Variants in ADGRF3 observed in about 807,000 individuals in gnomAD.
The protein encoded by ADGRF3 is adhesion G protein-coupled receptor F3.
Under a neutral mutation model 93.2 loss-of-function variants are expected in ADGRF3, and 85 were observed. The observed-to-expected ratio is 0.91, with a 90% CI of 0.77 to 1.09. The LOEUF (loss-of-function observed/expected upper bound fraction) is 1.09, where lower values mean the gene tolerates loss of function less well. Among genes scored for constraint, ADGRF3 ranks in the 50% least tolerant of loss-of-function variants. The pLI, the probability that ADGRF3 is intolerant of heterozygous loss-of-function variation, is 0.00. For missense variants in ADGRF3, 1,125 were observed against 1,246.2 expected, an observed-to-expected ratio of 0.90 and a Z score of 1.46; for synonymous variants, 534 against 532.5, an observed-to-expected ratio of 1.00 and a Z score of -0.04.
intron 1 of ADGRF3, among the ~76,000 whole-genome samples, chr2:26,321,585 A>T (rs1443798505): frequency 6.6e-6 from 1 of 152,276 alleles, no homozygotes; most frequent in South Asian, 2.1e-4. Context: ...GGCAGCCCCC[A>T]GTTAGGAGAG....
chr2:26,331,915 CTA>C (rs1458626504), intron 1 of ADGRF3, among the ~76,000 whole-genome samples: 1 of 151,876 alleles, frequency 6.6e-6, no homozygotes, highest in Non-Finnish European at 1.5e-5. Flanking sequence ...AATCTGTTGT[CTA>C]TGTGTTTTCT....
chr2:26,313,202 T>C, intron 8 of ADGRF3, 80 bp from the exon 9 acceptor site: 1 of 1,548,088 alleles, frequency 6.5e-7, no homozygotes, highest in African/African-American at 1.4e-5. Context: ...CCATGGAGAT[T>C]GTTGACCCCC....
chr2:26,313,372 T>C lies in ADGRF3; in HGVS notation c.1269+5A>G, dbSNP rs761667027. 4.4e-6 allele frequency: 7 copies of C among 1,576,616 alleles called. No homozygotes were observed. Among genetic ancestry groups the C allele is most frequent in the South Asian group, 1.2e-5 (1 of 85,032 alleles). The stretch of plus-strand genomic sequence containing the variant: ...GGCACGTGGGCAGCAGGGTGGAAGC[T>C]TCACCTTGGTTCTAGTGAACAAGGC... On this transcript the variant is annotated splice_donor_5th_base_variant and intron_variant, in intron 8 of 13. Transcript: ENST00000651242.
chr2:26,327,847 A>AT (rs1261268956), intron 1 of ADGRF3, among the ~76,000 whole-genome samples: 3 of 150,168 alleles, frequency 2.0e-5, no homozygotes, highest in Admixed American at 2.0e-4. Flanking sequence ...AAAAAAAAAA[A>AT]TTTTGCCACT....
chr2:26,346,004 C>A, intron 1 of ADGRF3, 117 bp downstream of exon 1: 1 of 1,115,906 alleles, frequency 9.0e-7, no homozygotes, highest in Non-Finnish European at 1.3e-6. Flanking sequence ...CTCGAGCGGG[C>A]TAGCAACCCC....
chr2:26,327,668 TG>T lies in ADGRF3; in HGVS notation c.115-10107del, dbSNP rs544359083. On this transcript the variant is annotated intron_variant, in intron 1 of 13. Transcript: ENST00000651242. ...TGCTCTGTCATCCCATGGCAGAAGATGGAAATTCAAGAGAGCACATGAGAGA... is the reference window on the plus strand; with the variant it reads ...TGCTCTGTCATCCCATGGCAGAAGATGAAATTCAAGAGAGCACATGAGAGA... Among the ~76,000 whole-genome samples, 10 of 126,986 alleles carry T rather than the reference TG, an allele frequency of 7.9e-5. No homozygotes were observed. The East Asian group carries it at 2.0e-3, about 25-fold the overall frequency. 83.3% of individuals were successfully genotyped at this position (126,986 alleles called of 152,430 possible). A position where few individuals can be genotyped will look rare whatever the true frequency, so the allele number is the denominator to read the frequency against.
chr2:26,326,044 G>A (rs1481474172), intron 1 of ADGRF3, among the ~76,000 whole-genome samples: 1 of 152,152 alleles, frequency 6.6e-6, no homozygotes, highest in Non-Finnish European at 1.5e-5. Context: ...TTTGGAAAGG[G>A]GTCACTAATA....
At chr2:26,339,485 GA>G (rs1395387691) in intron 1 of ADGRF3, among the ~76,000 whole-genome samples, 1 of 152,138 alleles carries the variant, frequency 6.6e-6, no homozygotes, top group East Asian at 1.9e-4. Flanking sequence ...GACAGAGTGA[GA>G]ATCTGACTCA....
Position 26,346,139 on chromosome 2 carries a change from CT to C in ADGRF3, c.95del (p.Lys32ArgfsTer55). The C allele has an allele frequency of 3.1e-6, 5 of 1,600,928 alleles. No individual in the cohort carries two copies. The highest frequency in any genetic ancestry group is 4.3e-6 in the Non-Finnish European group (5 of 1,174,598). On this transcript the variant is annotated frameshift_variant, in exon 1 of 14. Transcript: ENST00000651242. LOFTEE classifies it high-confidence loss of function. The part of the protein sequence containing the change: ...KHHTGWARMA[K>X]TGLPEKGQSQ... ...CTCCTACCTTCTCGGGCAGCCCAGTCTTTGCCATCCTTGCCCAGCCGGTGTG... is the reference window on the plus strand; with the variant it reads ...CTCCTACCTTCTCGGGCAGCCCAGTCTTGCCATCCTTGCCCAGCCGGTGTG...
At chr2:26,310,353 G>A in intron 10 of ADGRF3, 116 bp from the exon 11 acceptor site, 1 of 1,166,262 alleles carries the variant, frequency 8.6e-7, no homozygotes, top group Non-Finnish European at 1.2e-6. Context: ...CAATTTTTCT[G>A]TTACCACTAT....
At chr2:26,322,298 A>G (rs1399695522) in intron 1 of ADGRF3, among the ~76,000 whole-genome samples, 8 of 151,332 alleles carry the variant, frequency 5.3e-5, no homozygotes, top group Non-Finnish European at 8.8e-5. Flanking sequence ...AAAAAAAAAA[A>G]AGAGAAAAGA....
At chr2:26,336,636 G>A (rs1408397725) in intron 1 of ADGRF3, among the ~76,000 whole-genome samples, 3 of 145,132 alleles carry the variant, frequency 2.1e-5, no homozygotes. Flanking sequence ...TGAGGTAGGA[G>A]AATCTCTTCA....
chr2:26,313,068 G>A lies in ADGRF3; in HGVS notation c.1324C>T (p.Gln442Ter), dbSNP rs1312471108. ...GCCTCTGCCGCCTGCCCTGGCAGCTGTGCCAGGATCTGTGGCACCTCCTCA... is the reference window on the plus strand; with the variant it reads ...GCCTCTGCCGCCTGCCCTGGCAGCTATGCCAGGATCTGTGGCACCTCCTCA... The part of the protein sequence containing the change: ...PAEEVPQILA[Q>*]LPGQAAEASS... The change falls in exon 9 of 14, where the codon CAG (glutamine) becomes TAG (stop). Residue 442 changes from glutamine to a stop codon, truncating the protein, a stop_gained. Transcript: ENST00000651242. LOFTEE classifies it high-confidence loss of function. 6.2e-7 allele frequency: 1 copy of A among 1,614,022 alleles called. No homozygotes were observed. Among genetic ancestry groups the A allele is most frequent in the Non-Finnish European group, 8.5e-7 (1 of 1,179,880 alleles).
chr2:26,333,554 A>C (rs929260973), intron 1 of ADGRF3, among the ~76,000 whole-genome samples: 2 of 150,304 alleles, frequency 1.3e-5, no homozygotes, highest in African/African-American at 4.9e-5. Context: ...CATTTTGAAG[A>C]CTCCTAAACA....
At position 26,310,941 on chromosome 2, in the gene ADGRF3, G is replaced by C. The variant is rs138709525; in HGVS notation, c.2583C>G (p.Phe861Leu). The change falls in exon 10 of 14, where the codon TTC becomes TTG. Residue 861 changes from phenylalanine (F) to leucine (L), a missense_variant. Transcript: ENST00000651242. The stretch of plus-strand genomic sequence containing the variant: ...CTATGATGGCCAGCACTGGCCCCAC[G>C]AAGGTGTATAACGCCCCTCCCTTCC... ...LDGKGGALYT[F>L]VGPVLAIIGV... The C allele has an allele frequency of 6.2e-7, 1 of 1,613,474 alleles. No homozygotes were observed. The highest frequency in any genetic ancestry group is 1.7e-5 in the Admixed American group (1 of 59,964).
chr2:26,333,480 C>T (rs1244204107), intron 1 of ADGRF3, among the ~76,000 whole-genome samples: 1 of 151,214 alleles, frequency 6.6e-6, no homozygotes, highest in East Asian at 2.0e-4. Flanking sequence ...CCCTGGCAAC[C>T]ATCCTGAGGT....
Position 26,311,012 on chromosome 2 carries a change from G to A in ADGRF3, c.2512C>T (p.Leu838=). 1.9e-6 allele frequency: 3 copies of A among 1,612,864 alleles called. No individual in the cohort carries two copies. Among genetic ancestry groups the A allele is most frequent in the Non-Finnish European group, 2.5e-6 (3 of 1,179,508 alleles). ...GLAGVTLGLY[L]PQGQYLREGE... ...TCCCTCAGGTATTGCCCTTGAGGTAGGTAGAGCCCCAGGGTGACACCTGCC... is the reference window on the plus strand; with the variant it reads ...TCCCTCAGGTATTGCCCTTGAGGTAAGTAGAGCCCCAGGGTGACACCTGCC... Residue 838 remains leucine (L), a synonymous_variant, in exon 10 of 14, where the codon CTA becomes TTA. Transcript: ENST00000651242.
At chr2:26,312,494 A>G (rs1341862077) in intron 9 of ADGRF3, among the ~76,000 whole-genome samples, 1 of 152,190 alleles carries the variant, frequency 6.6e-6, no homozygotes, top group Non-Finnish European at 1.5e-5. Flanking sequence ...GCATTCACAC[A>G]TGCCATGTAT....
rs555678724 is a variant in ADGRF3, at chr2:26,308,865, C to G, written c.*221G>C. 3.2e-5 allele frequency: 17 copies of G among 535,210 alleles called. No individual in the cohort carries two copies. The Admixed American group carries it at 4.1e-4, about 13-fold the overall frequency. 33.2% of individuals were successfully genotyped at this position (535,210 alleles called of 1,614,324 possible). Reference sequence around the variant, plus strand: ...CAAAGGCAGGCTTATTCATTAGGTGCCTTTAGCTAATTTTTCCTGCTATTC... The same window carrying G: ...CAAAGGCAGGCTTATTCATTAGGTGGCTTTAGCTAATTTTTCCTGCTATTC... On this transcript the variant is annotated 3_prime_UTR_variant, in exon 14 of 14. Coordinates refer to ENST00000651242, the MANE Select transcript of ADGRF3 (RefSeq NM_001321971.2).
Sources: allele counts gnomAD v4.1 joint callset (sites outside exome capture counted in the v4.1 genomes callset), GRCh38; gene constraint gnomAD v4.1.1; transcripts MANE v1.5; gene names NCBI Gene and HGNC (gene_info 2026-07-23, HGNC 2026-07-21).